Variants in HNRNPU observed in about 807,000 individuals in gnomAD.
HNRNPU encodes the protein heterogeneous nuclear ribonucleoprotein U.
HNRNPU carries 5 observed loss-of-function variants against 94.7 expected under a neutral mutation model. That is an observed-to-expected ratio of 0.05 (90% confidence interval 0.03 to 0.11). The LOEUF is 0.11. HNRNPU is among the 10% of genes least tolerant of loss of function. The pLI, the probability that HNRNPU is intolerant of heterozygous loss-of-function variation, is 1.00. For missense variants in HNRNPU, 710 were observed against 1,049.2 expected, an observed-to-expected ratio of 0.68 and a Z score of 4.47; for synonymous variants, 434 against 381.6, an observed-to-expected ratio of 1.14 and a Z score of -1.60.
rs779411225 is a variant in HNRNPU at position 244,856,871 on chromosome 1, T to G, written c.1615-15A>C. 4.4e-6 allele frequency: 7 copies of G among 1,580,272 alleles called. No homozygotes were observed. The highest frequency in any genetic ancestry group is 5.1e-6 in the Non-Finnish European group (6 of 1,166,570). ...AAACCTGCCACCTATATTCAAAAGT[T>G]AAAATTTCCCCTTGAACTTGTGAAT... On this transcript the variant is annotated splice_polypyrimidine_tract_variant and intron_variant, in intron 8 of 13. Coordinates refer to ENST00000640218, the MANE Select transcript of HNRNPU (RefSeq NM_031844.3).
Position 244,863,632 on chromosome 1 carries a change from C to T in HNRNPU, c.676G>A (p.Gly226Arg), listed in dbSNP as rs1573337428. Residue 226 changes from glycine (G) to arginine (R), a missense_variant, in exon 1 of 14, where the codon GGG becomes AGG. Transcript: ENST00000640218. ...CAGCACTCACCCGCCGCCGGAGCCC[C>T]GGGGCGACCGCCGCCTCCGCCGCCT... ...AEGGGGGGRP[G>R]APAAGDGKTE... is the part of the protein sequence containing the mutation. 2.6e-6 allele frequency: 4 copies of T among 1,540,546 alleles called. No individual in the cohort carries two copies. Among genetic ancestry groups the T allele is most frequent in the Non-Finnish European group, 3.5e-6 (4 of 1,156,914 alleles).
rs1680948612 is a variant in HNRNPU, at chr1:244,864,490, T to C, written c.-183A>G. Reference sequence around the variant, plus strand: ...AACGGCGCCAATTCCTTTCACCGAGTTCGCGAGGGAGACGCGGAGACTCGC... The same window carrying C: ...AACGGCGCCAATTCCTTTCACCGAGCTCGCGAGGGAGACGCGGAGACTCGC... On this transcript the variant is annotated 5_prime_UTR_variant, in exon 1 of 14. Coordinates refer to ENST00000640218, the MANE Select transcript of HNRNPU (RefSeq NM_031844.3). 4 of 1,035,830 alleles carry C rather than the reference T, an allele frequency of 3.9e-6. No homozygotes were observed. The South Asian group carries it at 7.0e-5, about 18-fold the overall frequency. 64.2% of individuals were successfully genotyped at this position (1,035,830 alleles called of 1,614,324 possible). A position where few individuals can be genotyped will look rare whatever the true frequency, so the allele number is the denominator to read the frequency against.
intron 8 of HNRNPU, chr1:244,857,105 G>C (rs564214325): frequency 2.8e-6 from 1 of 352,506 alleles, no homozygotes; most frequent in East Asian, 5.1e-5. Context: ...AGCCTAGCCA[G>C]TGGAAGGCAG....
chr1:244,857,800 A>T, intron 7 of HNRNPU, 83 bp from the exon 8 acceptor site: 1 of 1,512,128 alleles, frequency 6.6e-7, no homozygotes, highest in Non-Finnish European at 8.9e-7. Context: ...GCCAATTTAA[A>T]TATCTAAGTT....
At position 244,862,725 on chromosome 1, in the gene HNRNPU, C is replaced by T. The variant is rs771487560; in HGVS notation, c.697G>A (p.Gly233Ser). The change falls in exon 2 of 14, where the codon GGC (glycine) becomes AGC (serine). Residue 233 changes from glycine to serine, a missense_variant. Transcript: ENST00000640218. ...GRPGAPAAGD[G>S]KTEQKGGDKK... is the part of the protein sequence containing the mutation. ...TCTCCGCCTTTCTGTTCTGTTTTGC[C>T]GTCCCCTAAAACACACACGAGCCCC... is the stretch of plus-strand genomic sequence containing the variant. The T allele has an allele frequency of 1.2e-6, 2 of 1,613,014 alleles. No homozygotes were observed. Among genetic ancestry groups the T allele is most frequent in the South Asian group, 2.2e-5 (2 of 91,060 alleles).
At position 244,856,042 on chromosome 1, in the gene HNRNPU, G is replaced by A; in HGVS notation, c.2029C>T (p.Leu677Phe). Residue 677 changes from leucine (L) to phenylalanine (F), a missense_variant, in exon 11 of 14, where the codon CTT becomes TTT. By Grantham distance (22) the Leu-to-Phe change is conservative. Coordinates refer to ENST00000640218, the MANE Select transcript of HNRNPU (RefSeq NM_031844.3). ...EQYKEESKKA[L>F]PPEKKQNTGS... ...GTGTTCTGTTTCTTTTCTGGTGGAA[G>A]AGCCTTTTTGCTTTCTTCCTTATAT... is the stretch of plus-strand genomic sequence containing the variant. The A allele has an allele frequency of 6.2e-7, 1 of 1,614,064 alleles. No individual in the cohort carries two copies. The highest frequency in any genetic ancestry group is 8.5e-7 in the Non-Finnish European group (1 of 1,179,988).
In HNRNPU at chr1:244,858,807, T is replaced by C; in HGVS notation, c.1152A>G (p.Lys384=). The part of the protein sequence containing the change: ...EEEFSYGYSL[K]GIKTCNCETE... ...TCTCACAGTTGCATGTTTTTATTCC[T>C]TTTAGAGAATACCCATAAGAAAATT... Residue 384 remains lysine (K), a synonymous_variant, in exon 6 of 14, where the codon AAA becomes AAG. Coordinates refer to ENST00000640218, the MANE Select transcript of HNRNPU (RefSeq NM_031844.3). 6.4e-7 allele frequency: 1 copy of C among 1,568,006 alleles called. No individual in the cohort carries two copies. Among genetic ancestry groups the C allele is most frequent in the Non-Finnish European group, 8.8e-7 (1 of 1,139,138 alleles).
At position 244,852,640 on chromosome 1, in the gene HNRNPU, T is replaced by C. The variant is rs997029350; in HGVS notation, c.*1810A>G. On this transcript the variant is annotated 3_prime_UTR_variant, in exon 14 of 14. Transcript: ENST00000640218. ...CAACTGTTAAATATCTTATGTTAAC[T>C]AAGGATTTGCCTGTTCCAAAAATGT... The C allele has an allele frequency of 1.3e-5, 2 of 152,194 alleles. No homozygotes were observed. The highest frequency in any genetic ancestry group is 1.3e-4 in the Admixed American group (2 of 15,270). The allele number at this position is 152,194 out of a possible 1,614,324, so 9.4% of individuals were successfully genotyped here. A position where few individuals can be genotyped will look rare whatever the true frequency, so the allele number is the denominator to read the frequency against.
intron 3 of HNRNPU, chr1:244,861,302 T>G (rs1238938685): frequency 1.3e-5 from 2 of 152,246 alleles, no homozygotes; most frequent in Non-Finnish European, 2.9e-5. Context: ...ATTGTTTGAA[T>G]TCAACATTGT....
intron 6 of HNRNPU, 152 bp from the exon 7 acceptor site, chr1:244,858,426 C>A: frequency 1.5e-6 from 1 of 671,818 alleles, no homozygotes; most frequent in South Asian, 2.0e-5. Flanking sequence ...GTTAAGAAAT[C>A]TGATGGTTGT....
At position 244,863,770 on chromosome 1, in the gene HNRNPU, C is replaced by CTCGA; in HGVS notation, c.537_538insTCGA (p.Ala180SerfsTer35). 6.3e-7 allele frequency: 1 copy of CTCGA among 1,594,406 alleles called. No homozygotes were observed. The highest frequency in any genetic ancestry group is 1.1e-5 in the South Asian group (1 of 89,000). On this transcript the variant is annotated frameshift_variant, in exon 1 of 14. Transcript: ENST00000640218. LOFTEE classifies it high-confidence loss of function. ...CTGCTCTTCCCCGCGGCCTCCTTGG[C>CTCGA]GGCCCCGCGCTGCTGTTGGGGCTGT...
intron 10 of HNRNPU, 96 bp from the exon 11 acceptor site, chr1:244,856,254 C>T (rs1293978526): frequency 2.2e-6 from 3 of 1,340,692 alleles, no homozygotes; most frequent in Non-Finnish European, 3.1e-6. Flanking sequence ...AACATATTTT[C>T]CTAAAAATAA....
chr1:244,855,384 A>G (rs1680650379), intron 12 of HNRNPU, 40 bp downstream of exon 12: 1 of 1,583,340 alleles, frequency 6.3e-7, no homozygotes, highest in South Asian at 1.1e-5. Flanking sequence ...AGACTAAGCT[A>G]CAGTTATCAA....
intron 13 of HNRNPU, 106 bp from the exon 14 acceptor site, chr1:244,854,609 A>G: frequency 1.3e-6 from 1 of 778,866 alleles, no homozygotes; most frequent in Non-Finnish European, 2.3e-6. Context: ...CTGGAAACAA[A>G]TTTATACCTG....
At chr1:244,858,629 T>A in intron 6 of HNRNPU, 100 bp downstream of exon 6, 1 of 692,780 alleles carries the variant, frequency 1.4e-6, no homozygotes, top group South Asian at 1.7e-5. Context: ...GTGTATTTTG[T>A]TGCTCATATT....
chr1:244,859,314 G>T lies in HNRNPU; in HGVS notation c.1078C>A (p.Arg360Ser). The change falls in exon 5 of 14, where the codon CGT (arginine) becomes AGT (serine). Residue 360 changes from arginine to serine, a missense_variant. Arg to Ser is a moderately radical substitution (Grantham distance 110). Coordinates refer to ENST00000640218, the MANE Select transcript of HNRNPU (RefSeq NM_031844.3). Reference protein sequence around the residue: ...YTKDIDIHEVRIGWSLTTSGM... With the variant: ...YTKDIDIHEVSIGWSLTTSGM... ...CTTGTAGTTAGTGACCAGCCAATACGAACTTCATGTATGTCAATATCTTTT... is the reference window on the plus strand; with the variant it reads ...CTTGTAGTTAGTGACCAGCCAATACTAACTTCATGTATGTCAATATCTTTT... 1 of 1,600,758 alleles carries T rather than the reference G, an allele frequency of 6.2e-7. No individual in the cohort carries two copies. Among genetic ancestry groups the T allele is most frequent in the Non-Finnish European group, 8.6e-7 (1 of 1,168,254 alleles).
rs746453421 is a variant in HNRNPU, at chr1:244,862,549, T to C, written c.804-15A>G. ...GAGATTTGGCTCTGAAAGACAGAAT[T>C]GTCTCCTGATACAGCTTTCCGATCA... is the stretch of plus-strand genomic sequence containing the variant. On this transcript the variant is annotated splice_polypyrimidine_tract_variant and intron_variant, in intron 2 of 13. Coordinates refer to ENST00000640218, the MANE Select transcript of HNRNPU (RefSeq NM_031844.3). The C allele has an allele frequency of 6.2e-7, 1 of 1,612,754 alleles. No individual in the cohort carries two copies. The highest frequency in any genetic ancestry group is 1.1e-5 in the South Asian group (1 of 91,034).
rs1680513325 is a variant in HNRNPU at position 244,850,494 on chromosome 1, C to CT, written c.*3955dup. 1 of 121,238 alleles carries CT rather than the reference C, an allele frequency of 8.2e-6. No homozygotes were observed. Among genetic ancestry groups the CT allele is most frequent in the Non-Finnish European group, 1.6e-5 (1 of 61,514 alleles). 7.5% of individuals were successfully genotyped at this position (121,238 alleles called of 1,614,324 possible). ...GCCCACACCCCCCCCCAAAAAAAAG[C>CT]TTTAATAAAGGCACTGCAGCGTTAA... On this transcript the variant is annotated 3_prime_UTR_variant, in exon 14 of 14. Transcript: ENST00000640218.
chr1:244,857,874 G>A (rs2102986502), intron 7 of HNRNPU, 137 bp downstream of exon 7: 6 of 1,294,170 alleles, frequency 4.6e-6, no homozygotes, highest in Non-Finnish European at 6.4e-6. Flanking sequence ...CAACATAAGG[G>A]GGAAACAATT....
Sources: allele counts gnomAD v4.1 joint callset, GRCh38; gene constraint gnomAD v4.1.1; transcripts MANE v1.5; gene names NCBI Gene and HGNC (gene_info 2026-07-23, HGNC 2026-07-21).